Variants in HPSE2 observed in about 807,000 individuals in gnomAD.
The protein encoded by HPSE2 is inactive heparanase-2.
Under a neutral mutation model 60.5 loss-of-function variants are expected in HPSE2, and 38 were observed. That is an observed-to-expected ratio of 0.63 (90% CI 0.48 to 0.82). The LOEUF (loss-of-function observed/expected upper bound fraction) is 0.82. Among genes scored for constraint, HPSE2 ranks in the 40% least tolerant of loss-of-function variants. The pLI, the probability that HPSE2 is intolerant of heterozygous loss-of-function variation, is 0.00. For missense variants in HPSE2, 713 were observed against 740.4 expected, an observed-to-expected ratio of 0.96 and a Z score of 0.43; for synonymous variants, 295 against 293.2, an observed-to-expected ratio of 1.01 and a Z score of -0.06.
chr10:98,605,664 T>C (rs1945559813), intron 9 of HPSE2, among the ~76,000 whole-genome samples: 1 of 152,120 alleles, frequency 6.6e-6, no homozygotes, highest in Non-Finnish European at 1.5e-5. Context: ...CTATTATTTG[T>C]ATGAAGGGCA....
At position 98,937,719 on chromosome 10, in the gene HPSE2, G is replaced by A. The variant is rs1954848706; in HGVS notation, c.611-193663C>T. Among the ~76,000 whole-genome samples, 4 of 141,512 alleles carry A rather than the reference G, an allele frequency of 2.8e-5. 1 individual carries two copies. Among genetic ancestry groups the A allele is most frequent in the Admixed American group, 7.0e-5 (1 of 14,224 alleles). The allele number at this position is 141,512 out of a possible 152,430, so 92.8% of individuals were successfully genotyped here. A position where few individuals can be genotyped will look rare whatever the true frequency, so the allele number is the denominator to read the frequency against. On this transcript the variant is annotated intron_variant, in intron 3 of 11. Coordinates refer to ENST00000370552, the MANE Select transcript of HPSE2 (RefSeq NM_021828.5). ...CAGACTTAAATGTCCCTGTCTGACA[G>A]CTTTGAAGAGAGCAGTGGTTCTCCC...
intron 3 of HPSE2, among the ~76,000 whole-genome samples, chr10:98,800,767 T>G (rs1950887637): frequency 6.6e-6 from 1 of 152,170 alleles, no homozygotes; most frequent in Admixed American, 6.6e-5. Flanking sequence ...CAGGACCTGA[T>G]AGCTTCACAG....
At chr10:99,145,508 T>C (rs1024593164) in intron 2 of HPSE2, among the ~76,000 whole-genome samples, 1 of 151,998 alleles carries the variant, frequency 6.6e-6, no homozygotes, top group South Asian at 2.1e-4. Context: ...AGGAAGCTCT[T>C]ATGCCCTAAA....
intron 3 of HPSE2, among the ~76,000 whole-genome samples, chr10:98,981,764 G>A (rs141455946): frequency 1.7e-4 from 26 of 151,966 alleles, no homozygotes; most frequent in Non-Finnish European, 2.6e-4. Context: ...TTTCCCTCCT[G>A]AATGCCTTAT....
intron 3 of HPSE2, among the ~76,000 whole-genome samples, chr10:99,015,913 T>C (rs1472385982): frequency 6.6e-6 from 1 of 152,240 alleles, no homozygotes; most frequent in Non-Finnish European, 1.5e-5. Context: ...ATAAATTTGC[T>C]TAAGTTCCTT....
At chr10:98,688,485 T>A (rs1253185554) in intron 6 of HPSE2, among the ~76,000 whole-genome samples, 2 of 136,688 alleles carry the variant, frequency 1.5e-5, no homozygotes, top group Non-Finnish European at 3.1e-5. Flanking sequence ...TTCTTTTTTT[T>A]TTTTTTTTGA....
intron 3 of HPSE2, among the ~76,000 whole-genome samples, chr10:98,976,085 C>A (rs1308506681): frequency 1.3e-5 from 2 of 152,108 alleles, no homozygotes; most frequent in Non-Finnish European, 2.9e-5. Context: ...TTCAGGCCTC[C>A]TTTATCTTGC....
intron 3 of HPSE2, among the ~76,000 whole-genome samples, chr10:98,966,744 A>G (rs1369383142): frequency 6.6e-6 from 1 of 152,168 alleles, no homozygotes; most frequent in African/African-American, 2.4e-5. Context: ...GCTAATAACA[A>G]TATATTGCAT....
chr10:98,717,918 T>C (rs958587688), intron 5 of HPSE2, among the ~76,000 whole-genome samples: 1 of 145,982 alleles, frequency 6.9e-6, no homozygotes, highest in Non-Finnish European at 1.5e-5. Flanking sequence ...TTTGTCAAGG[T>C]AGAGGTATAG....
intron 9 of HPSE2, among the ~76,000 whole-genome samples, chr10:98,597,051 G>C (rs112752370): frequency 0.042 from 6,363 of 152,052 alleles, 214 homozygotes; most frequent in Non-Finnish European, 0.067. Flanking sequence ...CCAAGCAAAA[G>C]GGGGGAAAGT....
At chr10:99,201,904 G>A (rs974782792) in intron 2 of HPSE2, among the ~76,000 whole-genome samples, 1 of 151,970 alleles carries the variant, frequency 6.6e-6, no homozygotes, top group African/African-American at 2.4e-5. Flanking sequence ...TGAACACGAC[G>A]CCATACTCCA....
intron 3 of HPSE2, among the ~76,000 whole-genome samples, chr10:99,103,471 A>G (rs1303494492): frequency 6.6e-6 from 1 of 152,180 alleles, no homozygotes; most frequent in Non-Finnish European, 1.5e-5. Flanking sequence ...CCACTGCTCA[A>G]TGAAATAAAA....
At chr10:98,983,567 CACAG>C (rs1371272985) in intron 3 of HPSE2, among the ~76,000 whole-genome samples, 2 of 152,238 alleles carry the variant, frequency 1.3e-5, no homozygotes, top group African/African-American at 4.8e-5. Context: ...CCTCTTCTAG[CACAG>C]ACAAAGTCAA....
chr10:98,494,405 C>T (rs1941762568), intron 9 of HPSE2, among the ~76,000 whole-genome samples: 1 of 152,180 alleles, frequency 6.6e-6, no homozygotes, highest in African/African-American at 2.4e-5. Flanking sequence ...TTGTGGAATG[C>T]TGAGAAAGAT....
Position 98,609,391 on chromosome 10 carries a change from GTTAT to G in HPSE2, c.1320+5509_1320+5512del, listed in dbSNP as rs141415605. Among the ~76,000 whole-genome samples the G allele has an allele frequency of 9.5e-3, 1,441 of 152,300 alleles. 24 individuals are homozygous for G. The highest frequency in any genetic ancestry group is 0.032 in the African/African-American group (1,329 of 41,568). On this transcript the variant is annotated intron_variant, in intron 9 of 11. Coordinates refer to ENST00000370552, the MANE Select transcript of HPSE2 (RefSeq NM_021828.5). ...TGAATAATAAGTGAACATTTGCATAGTTATTTAAACACAATCCTTTTGAAATACT... is the reference window on the plus strand; with the variant it reads ...TGAATAATAAGTGAACATTTGCATAGTTAAACACAATCCTTTTGAAATACT...
the HPSE2 span, among the ~76,000 whole-genome samples, chr10:99,309,378 G>C: frequency 6.6e-6 from 1 of 152,148 alleles, no homozygotes; most frequent in Non-Finnish European, 1.5e-5. Context: ...CAAAACATTT[G>C]AACAGGCACT....
At chr10:98,570,781 T>C (rs1944472368) in intron 9 of HPSE2, among the ~76,000 whole-genome samples, 1 of 151,668 alleles carries the variant, frequency 6.6e-6, no homozygotes, top group Non-Finnish European at 1.5e-5. Flanking sequence ...TCAACTGCAG[T>C]CCCATTATAA....
At chr10:98,846,749 T>C (rs1007732053) in intron 3 of HPSE2, among the ~76,000 whole-genome samples, 1 of 152,206 alleles carries the variant, frequency 6.6e-6, no homozygotes, top group East Asian at 1.9e-4. Flanking sequence ...TTTTCTCTTC[T>C]TTTTTAGATA....
chr10:98,798,857 A>T (rs1220850899), intron 3 of HPSE2, among the ~76,000 whole-genome samples: 1 of 152,182 alleles, frequency 6.6e-6, no homozygotes, highest in Non-Finnish European at 1.5e-5. Flanking sequence ...AAACAAATCT[A>T]AAAATGGCAA....
Sources: allele counts gnomAD v4.1 joint callset (sites outside exome capture counted in the v4.1 genomes callset), GRCh38; gene constraint gnomAD v4.1.1; transcripts MANE v1.5; gene names NCBI Gene and HGNC (gene_info 2026-07-23, HGNC 2026-07-21).